Variants in SUSD4 observed in about 807,000 individuals in gnomAD.
SUSD4 encodes the protein sushi domain-containing protein 4.
SUSD4 carries 41 observed loss-of-function variants against 50.5 expected under a neutral mutation model. That is an observed-to-expected ratio of 0.81 (90% confidence interval 0.63 to 1.05). The LOEUF is 1.05. SUSD4 is among the 50% of genes least tolerant of loss of function. The probability of loss-of-function intolerance (pLI) is 0.00; values close to 1 mark genes in which losing one functional copy is unlikely to be tolerated. For synonymous variants in SUSD4, 257 were observed against 257.3 expected (o/e 1.00, Z 0.01); for missense variants, 580 against 634.7 (o/e 0.91, Z 0.93).
chr1:223,354,161 T>C (rs1455606125), intron 2 of SUSD4, among the ~76,000 whole-genome samples: 1 of 152,184 alleles, frequency 6.6e-6, no homozygotes, highest in East Asian at 1.9e-4. Context: ...CTGTCAACTT[T>C]CTGTTCATTG....
At chr1:223,241,534 C>T (rs1660583240) in intron 5 of SUSD4, among the ~76,000 whole-genome samples, 1 of 152,174 alleles carries the variant, frequency 6.6e-6, no homozygotes, top group African/African-American at 2.4e-5. Flanking sequence ...AGCAGTTTGC[C>T]CTGTGACCTT....
rs1187461835 is a variant in SUSD4 at position 223,227,470 on chromosome 1, T to C, written c.1061+124A>G. On this transcript the variant is annotated intron_variant, in intron 7 of 8. Transcript: ENST00000366878. This position sits in a 1 kb window ranked among gnomAD's most constrained non-coding sequence, Gnocchi z 4.5. ...GTGCTCAAAACATCCCAGAACATTG[T>C]TTTTGCTCTCCCCTGTTTCCCTTTA... is the stretch of plus-strand genomic sequence containing the variant. 4.3e-5 allele frequency: 56 copies of C among 1,298,572 alleles called. No homozygotes were observed. The highest frequency in any genetic ancestry group is 5.8e-5 in the Non-Finnish European group (55 of 953,672). The allele number at this position is 1,298,572 out of a possible 1,614,324, so 80.4% of individuals were successfully genotyped here.
chr1:223,274,033 C>A (rs928824550), intron 3 of SUSD4, among the ~76,000 whole-genome samples: 4 of 152,114 alleles, frequency 2.6e-5, no homozygotes, highest in African/African-American at 9.7e-5. Context: ...GCTGGTATCA[C>A]AAGTGAGGGG....
At chr1:223,347,925 C>T (rs757861560) in intron 2 of SUSD4, among the ~76,000 whole-genome samples, 1 of 151,990 alleles carries the variant, frequency 6.6e-6, no homozygotes, top group Non-Finnish European at 1.5e-5. Context: ...CCCAGCTCTG[C>T]CACTAACCAG....
chr1:223,252,617 ATACT>A (rs1387878168), intron 5 of SUSD4, among the ~76,000 whole-genome samples: 1 of 152,198 alleles, frequency 6.6e-6, no homozygotes, highest in Non-Finnish European at 1.5e-5. Flanking sequence ...TCAGAATAAT[ATACT>A]TATAGTATGA....
intron 5 of SUSD4, chr1:223,234,960 G>C (rs370574932): frequency 6.3e-7 from 1 of 1,583,430 alleles, no homozygotes; most frequent in African/African-American, 1.4e-5. Flanking sequence ...ATTTAGAACA[G>C]AGATGTGGTG....
intron 2 of SUSD4, among the ~76,000 whole-genome samples, chr1:223,311,691 G>T (rs1195901804): frequency 1.3e-5 from 2 of 152,172 alleles, no homozygotes; most frequent in Non-Finnish European, 2.9e-5. Context: ...TTTATTGTTT[G>T]TTTTTCTTGC....
intron 3 of SUSD4, among the ~76,000 whole-genome samples, chr1:223,280,882 A>G (rs1162561129): frequency 6.6e-6 from 1 of 152,226 alleles, no homozygotes; most frequent in Admixed American, 6.5e-5. Context: ...ATTATAACAA[A>G]CTATCTCTCA....
At chr1:223,263,722 C>T (rs993852903) in intron 5 of SUSD4, 1 of 985,332 alleles carries the variant, frequency 1.0e-6, no homozygotes. Context: ...CTCCATGACA[C>T]ACGTCCTACC....
At chr1:223,250,220 G>A (rs1334769073) in intron 5 of SUSD4, among the ~76,000 whole-genome samples, 4 of 152,090 alleles carry the variant, frequency 2.6e-5, no homozygotes, top group Non-Finnish European at 4.4e-5. Flanking sequence ...AAATTTATAA[G>A]AATTAGAAAT....
At position 223,231,664 on chromosome 1, in the gene SUSD4, G is replaced by A. The variant is rs1010758138; in HGVS notation, c.725-2276C>T. Among the ~76,000 whole-genome samples the A allele has an allele frequency of 3.9e-5, 6 of 152,358 alleles. No homozygotes were observed. Among genetic ancestry groups the A allele is most frequent in the Non-Finnish European group, 7.3e-5 (5 of 68,032 alleles). On this transcript the variant is annotated intron_variant, in intron 5 of 8. Coordinates refer to ENST00000366878, the MANE Select transcript of SUSD4 (RefSeq NM_017982.4). This position sits in a 1 kb window ranked among gnomAD's most constrained non-coding sequence, Gnocchi z 4.2. The stretch of plus-strand genomic sequence containing the variant: ...GGAGAGAGAAAAAGGCACTGGCCAC[G>A]TTGTTGAACTGGTCCTGGGAGATCC...
intron 2 of SUSD4, among the ~76,000 whole-genome samples, chr1:223,310,483 C>A (rs968389127): frequency 2.6e-5 from 4 of 152,068 alleles, no homozygotes; most frequent in African/African-American, 9.7e-5. Flanking sequence ...GATTAAGGGA[C>A]AATTCCCCAT....
Position 223,234,890 on chromosome 1 carries a change from T to C in SUSD4, c.725-5502A>G, listed in dbSNP as rs1295438558. 7.2e-6 allele frequency: 11 copies of C among 1,518,294 alleles called. No homozygotes were observed. The Middle Eastern group carries it at 7.1e-4, about 97-fold the overall frequency. The allele number at this position is 1,518,294 out of a possible 1,614,324, so 94.1% of individuals were successfully genotyped here. On this transcript the variant is annotated intron_variant, in intron 5 of 8. Coordinates refer to ENST00000366878, the MANE Select transcript of SUSD4 (RefSeq NM_017982.4). The stretch of plus-strand genomic sequence containing the variant: ...AACAGGTGTGCAGATCATGGTGAAA[T>C]ACAGTATAGGATAAAAATGGAATGT...
At position 223,223,236 on chromosome 1, in the gene SUSD4, G is replaced by C. The variant is rs1247454116; in HGVS notation, c.1444+13C>G. The C allele has an allele frequency of 1.1e-5, 17 of 1,522,378 alleles. No homozygotes were observed. Among genetic ancestry groups the C allele is most frequent in the Admixed American group, 2.0e-5 (1 of 48,936 alleles). 94.3% of individuals were successfully genotyped at this position (1,522,378 alleles called of 1,614,324 possible). A position where few individuals can be genotyped will look rare whatever the true frequency, so the allele number is the denominator to read the frequency against. Reference sequence around the variant, plus strand: ...TTTGCAGGTGTGGCTTGGGCCCTGGGGCAAGCACTTACCATCTGCAATGTC... The same window carrying C: ...TTTGCAGGTGTGGCTTGGGCCCTGGCGCAAGCACTTACCATCTGCAATGTC... On this transcript the variant is annotated intron_variant, in intron 8 of 8. Coordinates refer to ENST00000366878, the MANE Select transcript of SUSD4 (RefSeq NM_017982.4).
chr1:223,342,160 A>C (rs1465586255), intron 2 of SUSD4, among the ~76,000 whole-genome samples: 1 of 152,166 alleles, frequency 6.6e-6, no homozygotes, highest in Non-Finnish European at 1.5e-5. Flanking sequence ...TACCCAAGAC[A>C]GAGATCCTCA....
rs76212417 is a variant in SUSD4 at position 223,353,464 on chromosome 1, G to T, written c.148+9814C>A. Among the ~76,000 whole-genome samples the T allele has an allele frequency of 6.5e-3, 993 of 152,288 alleles. 27 individuals are homozygous for T. In the East Asian group the frequency reaches 0.085, roughly 13 times the overall value. On this transcript the variant is annotated intron_variant, in intron 2 of 8. Coordinates refer to ENST00000366878, the MANE Select transcript of SUSD4 (RefSeq NM_017982.4). ...ACATCCTATGTCCCTGTGAAGTCCA[G>T]AGGAACAAGTCTTATGGCCCCTGAT...
At chr1:223,342,356 A>G (rs1160044495) in intron 2 of SUSD4, among the ~76,000 whole-genome samples, 1 of 152,236 alleles carries the variant, frequency 6.6e-6, no homozygotes, top group African/African-American at 2.4e-5. Flanking sequence ...TTCTGAGAAT[A>G]CTATTATTGA....
intron 2 of SUSD4, among the ~76,000 whole-genome samples, chr1:223,309,531 G>C (rs1665747607): frequency 6.6e-6 from 1 of 152,154 alleles, no homozygotes; most frequent in South Asian, 2.1e-4. Flanking sequence ...CCGTGAGTAG[G>C]ACTGAGTTCC....
At chr1:223,350,030 G>A (rs975031209) in intron 2 of SUSD4, among the ~76,000 whole-genome samples, 5 of 152,146 alleles carry the variant, frequency 3.3e-5, no homozygotes, top group Admixed American at 1.3e-4. Flanking sequence ...CCACACCAAG[G>A]AAAGGCCATG....
Sources: allele counts gnomAD v4.1 joint callset (sites outside exome capture counted in the v4.1 genomes callset), GRCh38; gene constraint gnomAD v4.1.1; non-coding constraint Gnocchi (gnomAD v3.1); transcripts MANE v1.5; gene names NCBI Gene and HGNC (gene_info 2026-07-23, HGNC 2026-07-21).